The following TF variants were observed in gnomAD, a reference collection of about 807,000 sequenced individuals.
TF encodes serotransferrin.
In TF, 55 loss-of-function variants were observed where a neutral mutation model predicts 82.4. That is an observed-to-expected ratio of 0.67 (90% confidence interval 0.54 to 0.84). The LOEUF is 0.84. Ranked by LOEUF, TF falls within the 40% of genes least tolerant of loss-of-function variation. TF has a pLI of 0.00. For synonymous variants in TF, 332 were observed against 332.6 expected, an observed-to-expected ratio of 1.00 and a Z score of 0.02; for missense variants, 737 against 868.4, an observed-to-expected ratio of 0.85 and a Z score of 1.90.
rs759288006 is a variant in TF, at chr3:133,748,406, C to T, written c.44-6C>T. ...GGCCCTTCCACCTCTGGCCTCTCTC[C>T]CCCAGGGCTGTGTCTGGCTGTCCCT... On this transcript the variant is annotated splice_region_variant and splice_polypyrimidine_tract_variant and intron_variant, in intron 1 of 16. Coordinates refer to ENST00000402696, the MANE Select transcript of TF (RefSeq NM_001063.4). 8.1e-6 allele frequency: 13 copies of T among 1,614,010 alleles called. No homozygotes were observed. Among genetic ancestry groups the T allele is most frequent in the African/African-American group, 1.3e-5 (1 of 75,028 alleles).
the TF span, among the ~76,000 whole-genome samples, chr3:133,727,355 T>G: frequency 5.7e-3 from 850 of 150,170 alleles, 7 homozygotes; most frequent in African/African-American, 0.02. Flanking sequence ...TGGGTGCATA[T>G]ATATTTAGGA....
Position 133,757,829 on chromosome 3 carries a change from G to A in TF, c.931G>A (p.Asp311Asn), listed in dbSNP as rs375110212. Residue 311 changes from aspartate to asparagine, a missense_variant, in exon 8 of 17, where the codon GAC becomes AAC. Asp to Asn is a conservative substitution (Grantham distance 23). Transcript: ENST00000402696. Reference protein sequence around the residue: ...FQLFSSPHGKDLLFKDSAHGF... With the variant: ...FQLFSSPHGKNLLFKDSAHGF... ...ACTATTCAGCTCTCCTCATGGGAAG[G>A]ACCTGCTGTTTAAGGACTCTGCCCA... is the stretch of plus-strand genomic sequence containing the variant. 5.6e-6 allele frequency: 9 copies of A among 1,614,188 alleles called. No individual in the cohort carries two copies. The highest frequency in any genetic ancestry group is 6.8e-6 in the Non-Finnish European group (8 of 1,180,036).
rs766328521 is a variant in TF, at chr3:133,755,509, C to T, written c.635+14C>T. ...GGGAGCCTTCAAGTGAGTGAGATGT[C>T]TGCTGCTCCATGGTGGCCAAAGTGC... On this transcript the variant is annotated intron_variant, in intron 5 of 16. Coordinates refer to ENST00000402696, the MANE Select transcript of TF (RefSeq NM_001063.4). The T allele has an allele frequency of 3.1e-6, 5 of 1,613,890 alleles. No individual in the cohort carries two copies. The East Asian group carries it at 1.1e-4, about 36-fold the overall frequency.
chr3:133,745,094 T>A (rs981978965), upstream of TF, among the ~76,000 whole-genome samples: 1 of 152,200 alleles, frequency 6.6e-6, no homozygotes, highest in Non-Finnish European at 1.5e-5. Context: ...AACTCCAACC[T>A]TCACGAGATG....
chr3:133,749,632 G>C (rs1933606335), intron 2 of TF, among the ~76,000 whole-genome samples: 1 of 152,244 alleles, frequency 6.6e-6, no homozygotes, highest in Admixed American at 6.5e-5. Context: ...GTGGGCTCCA[G>C]TGTAAAATAC....
At chr3:133,753,533 G>C (rs1402980255) in intron 2 of TF, 62 bp from the exon 3 acceptor site, 1 of 1,452,366 alleles carries the variant, frequency 6.9e-7, no homozygotes, top group Admixed American at 1.7e-5. Context: ...TACTTGTGTG[G>C]GTTGAGGTGG....
At chr3:133,714,335 A>G in the TF span, among the ~76,000 whole-genome samples, 1 of 152,202 alleles carries the variant, frequency 6.6e-6, no homozygotes, top group Non-Finnish European at 1.5e-5. Context: ...AGTTATGTGA[A>G]CAATGTATGA....
At chr3:133,667,627 G>C in the TF span, among the ~76,000 whole-genome samples, 1 of 152,210 alleles carries the variant, frequency 6.6e-6, no homozygotes, top group East Asian at 1.9e-4. Context: ...AACTAGGGAG[G>C]GGACTACTTC....
At chr3:133,694,855 TTTA>T in the TF span, among the ~76,000 whole-genome samples, 1 of 21,898 alleles carries the variant, frequency 4.6e-5, no homozygotes, top group Non-Finnish European at 8.8e-5. Flanking sequence ...TTTAGTTTTA[TTTA>T]TTTATTTATT....
chr3:133,746,275 G>T (rs1933494384), upstream of TF: 2 of 739,358 alleles, frequency 2.7e-6, no homozygotes, highest in Non-Finnish European at 4.7e-6. Flanking sequence ...AGTAAGGAAG[G>T]GGGGTTGGGA....
In TF at chr3:133,780,453, G is replaced by C. The variant is rs1170992507; in HGVS notation, c.*1833G>C. The C allele has an allele frequency of 6.6e-6, 1 of 152,022 alleles. No homozygotes were observed. The highest frequency in any genetic ancestry group is 1.5e-5 in the Non-Finnish European group (1 of 68,006). 9.4% of individuals were successfully genotyped at this position (152,022 alleles called of 1,614,324 possible). On this transcript the variant is annotated 3_prime_UTR_variant, in exon 17 of 17. Coordinates refer to ENST00000402696, the MANE Select transcript of TF (RefSeq NM_001063.4). ...ATTATTAAATTAGTTACTAAAATAG[G>C]ATAGACAGATGTTATTTGGCCATAA...
chr3:133,732,589 G>A, the TF span, among the ~76,000 whole-genome samples: 6 of 152,208 alleles, frequency 3.9e-5, no homozygotes, highest in Non-Finnish European at 8.8e-5. Flanking sequence ...GCTGCGCACT[G>A]TTTGGGTCCA....
At chr3:133,763,963 G>A (rs1934060858) in intron 9 of TF, among the ~76,000 whole-genome samples, 1 of 152,216 alleles carries the variant, frequency 6.6e-6, no homozygotes, top group Admixed American at 6.5e-5. Flanking sequence ...TAGGCACCTG[G>A]AGTTGATGAT....
intron 14 of TF, 141 bp downstream of exon 14, chr3:133,770,713 G>T: frequency 9.8e-7 from 1 of 1,020,996 alleles, no homozygotes. Context: ...TCTGCTCAGT[G>T]AAGAGAGACA....
At chr3:133,715,635 T>C in the TF span, among the ~76,000 whole-genome samples, 1 of 152,226 alleles carries the variant, frequency 6.6e-6, no homozygotes, top group Non-Finnish European at 1.5e-5. Context: ...AAGAGTTAAA[T>C]ATCTTTGCTA....
At chr3:133,742,255 T>C (rs1486132128), upstream of TF, among the ~76,000 whole-genome samples, 1 of 152,180 alleles carries the variant, frequency 6.6e-6, no homozygotes, top group Non-Finnish European at 1.5e-5. Flanking sequence ...GCCCTAGGAT[T>C]ACAGGCATGA....
the TF span, among the ~76,000 whole-genome samples, chr3:133,719,839 T>G: frequency 1.3e-5 from 2 of 152,190 alleles, no homozygotes; most frequent in Non-Finnish European, 2.9e-5. Flanking sequence ...TTGATTAAGT[T>G]TATTCCTAGT....
At chr3:133,773,573 A>T (rs1934311884) in intron 14 of TF, 1 of 152,034 alleles carries the variant, frequency 6.6e-6, no homozygotes, top group African/African-American at 2.4e-5. Flanking sequence ...ACCAATTTTG[A>T]AGGCGTAGAC....
chr3:133,725,075 G>C, the TF span, among the ~76,000 whole-genome samples: 2 of 152,192 alleles, frequency 1.3e-5, no homozygotes, highest in Admixed American at 6.5e-5. Flanking sequence ...AATATAGTTT[G>C]AAATCAGGTA....
Sources: gnomAD v4.1 joint callset for allele counts (sites outside exome capture counted in the v4.1 genomes callset) on GRCh38, gnomAD v4.1.1 for gene constraint, MANE v1.5 for transcripts, NCBI Gene and HGNC (gene_info 2026-07-23, HGNC 2026-07-21) for gene names.